CSRNP3: variants seen among roughly 807,000 people sequenced by gnomAD.
CSRNP3 encodes cysteine/serine-rich nuclear protein 3.
CSRNP3 carries 12 observed loss-of-function variants against 48.0 expected under a neutral mutation model. The observed-to-expected ratio is 0.25, with a 90% CI of 0.16 to 0.41. The LOEUF (loss-of-function observed/expected upper bound fraction) is 0.41, where lower values mean the gene tolerates loss of function less well. Ranked by LOEUF, CSRNP3 falls within the 10% of genes least tolerant of loss-of-function variation. CSRNP3 has a pLI of 1.00. For missense variants in CSRNP3, 580 were observed against 724.4 expected (o/e 0.80, Z 2.29); for synonymous variants, 263 against 269.7 (o/e 0.98, Z 0.24).
chr2:165,544,014 C>A (rs1392929770), intron 3 of CSRNP3, among the ~76,000 whole-genome samples: 2 of 151,326 alleles, frequency 1.3e-5, no homozygotes, highest in Admixed American at 6.6e-5. Context: ...TATATATACA[C>A]ACACAATGTT....
intron 2 of CSRNP3, among the ~76,000 whole-genome samples, chr2:165,508,654 A>T (rs1361860978): frequency 6.6e-6 from 1 of 152,102 alleles, no homozygotes; most frequent in East Asian, 1.9e-4. Flanking sequence ...AAAATGGATT[A>T]TATTTTCTCT....
At chr2:165,519,168 T>C in intron 3 of CSRNP3, among the ~76,000 whole-genome samples, 1 of 148,878 alleles carries the variant, frequency 6.7e-6, no homozygotes, top group Admixed American at 6.8e-5. Context: ...GTAAGAAATA[T>C]GAGATTCTAG....
chr2:165,574,652 G>C (rs1033488710), intron 3 of CSRNP3, among the ~76,000 whole-genome samples: 1 of 152,084 alleles, frequency 6.6e-6, no homozygotes, highest in African/African-American at 2.4e-5. Context: ...CTGGGTTTAG[G>C]CTTCTAAATA....
In CSRNP3 at chr2:165,612,598, C is replaced by T. The variant is rs1043166042; in HGVS notation, c.148+17385C>T. On this transcript the variant is annotated intron_variant, in intron 4 of 6. Transcript: ENST00000651982. ...CCTCTTCCCCTACAATTCCCAGCCTCTAATAATCACAGTTCTACTCTCTAC... is the reference window on the plus strand; with the variant it reads ...CCTCTTCCCCTACAATTCCCAGCCTTTAATAATCACAGTTCTACTCTCTAC... 8.5e-5 allele frequency among the ~76,000 whole-genome samples: 13 copies of T among 152,150 alleles called. 1 individual carries two copies. The highest frequency in any genetic ancestry group is 6.5e-4 in the Admixed American group (10 of 15,278).
intron 4 of CSRNP3, among the ~76,000 whole-genome samples, chr2:165,623,326 A>G (rs2105319942): frequency 6.6e-6 from 1 of 152,252 alleles, no homozygotes; most frequent in Non-Finnish European, 1.5e-5. Flanking sequence ...CAGTGGGGGC[A>G]TTAGATTCTC....
intron 3 of CSRNP3, among the ~76,000 whole-genome samples, chr2:165,519,140 T>G (rs566651807): frequency 1.3e-3 from 191 of 152,020 alleles, no homozygotes; most frequent in Middle Eastern, 6.8e-3. Flanking sequence ...TTAAATTAGC[T>G]CTTGAAGTAT....
chr2:165,550,940 C>T (rs1279656660), intron 3 of CSRNP3, among the ~76,000 whole-genome samples: 1 of 152,128 alleles, frequency 6.6e-6, no homozygotes, highest in Non-Finnish European at 1.5e-5. Context: ...ACCACATAAC[C>T]TGCCCTTCTC....
At chr2:165,619,879 G>A (rs1410729767) in intron 4 of CSRNP3, among the ~76,000 whole-genome samples, 1 of 152,142 alleles carries the variant, frequency 6.6e-6, no homozygotes, top group East Asian at 1.9e-4. Flanking sequence ...AGTTAATTAA[G>A]TTAAACTTGC....
intron 4 of CSRNP3, among the ~76,000 whole-genome samples, chr2:165,614,639 G>A (rs1039946543): frequency 5.3e-5 from 8 of 152,220 alleles, no homozygotes; most frequent in African/African-American, 1.7e-4. Flanking sequence ...AATCATGAAG[G>A]ATTGTAAGAT....
chr2:165,592,371 C>T (rs756197669), intron 3 of CSRNP3, among the ~76,000 whole-genome samples: 2 of 152,250 alleles, frequency 1.3e-5, no homozygotes, highest in East Asian at 1.9e-4. Flanking sequence ...TCAGATGAGA[C>T]GTTGGACTTC....
intron 5 of CSRNP3, among the ~76,000 whole-genome samples, chr2:165,665,755 A>G (rs1388370983): frequency 1.4e-5 from 2 of 147,124 alleles, no homozygotes; most frequent in Non-Finnish European, 3.0e-5. Context: ...CGACAGAGTG[A>G]GATTCTGGGA....
At chr2:165,525,410 G>A (rs1446867468) in intron 3 of CSRNP3, among the ~76,000 whole-genome samples, 1 of 150,460 alleles carries the variant, frequency 6.6e-6, no homozygotes, top group African/African-American at 2.4e-5. Context: ...TTTAAATTTG[G>A]TAAAGTCATG....
intron 3 of CSRNP3, among the ~76,000 whole-genome samples, chr2:165,537,591 A>G (rs1025604906): frequency 6.6e-6 from 1 of 151,648 alleles, no homozygotes; most frequent in Admixed American, 6.6e-5. Context: ...ATTATTAGCA[A>G]TTATTCAGAG....
chr2:165,583,708 C>CAAAA (rs1685583164), intron 3 of CSRNP3, among the ~76,000 whole-genome samples: 1 of 152,186 alleles, frequency 6.6e-6, no homozygotes, highest in African/African-American at 2.4e-5. Context: ...CTGCCTTGCA[C>CAAAA]TTCCCCGGTC....
intron 3 of CSRNP3, among the ~76,000 whole-genome samples, chr2:165,572,054 G>A (rs1671202723): frequency 6.6e-6 from 1 of 152,006 alleles, no homozygotes; most frequent in African/African-American, 2.4e-5. Flanking sequence ...GATAGGAAAT[G>A]GCTTTTTGCA....
At chr2:165,620,353 T>C (rs1295127151) in intron 4 of CSRNP3, among the ~76,000 whole-genome samples, 2 of 152,190 alleles carry the variant, frequency 1.3e-5, no homozygotes, top group East Asian at 3.8e-4. Flanking sequence ...GATTTTATAA[T>C]GAAATAAAAC....
At chr2:165,676,028 A>G (rs1453260679) in intron 5 of CSRNP3, among the ~76,000 whole-genome samples, 2 of 152,170 alleles carry the variant, frequency 1.3e-5, no homozygotes, top group African/African-American at 4.8e-5. Flanking sequence ...GGTGTTTTTC[A>G]CATAGCACTC....
intron 4 of CSRNP3, among the ~76,000 whole-genome samples, chr2:165,613,304 T>C (rs1686171538): frequency 6.6e-6 from 1 of 152,178 alleles, no homozygotes; most frequent in African/African-American, 2.4e-5. Context: ...ATTCCTCATA[T>C]AGTCTGGATA....
intron 3 of CSRNP3, among the ~76,000 whole-genome samples, chr2:165,536,785 A>G (rs1420735861): frequency 6.6e-6 from 1 of 151,904 alleles, no homozygotes; most frequent in South Asian, 2.1e-4. Flanking sequence ...TAGTTCTTTC[A>G]TGTGTGCCAG....
Sources: allele counts gnomAD v4.1 joint callset (sites outside exome capture counted in the v4.1 genomes callset), GRCh38; gene constraint gnomAD v4.1.1; transcripts MANE v1.5; gene names NCBI Gene and HGNC (gene_info 2026-07-23, HGNC 2026-07-21).